Variants in TOP2B observed in about 807,000 individuals in gnomAD.
TOP2B encodes DNA topoisomerase II beta.
In TOP2B, 51 loss-of-function variants were observed where a neutral mutation model predicts 193.5. The ratio of observed to expected loss-of-function variants is 0.26; its 90% confidence interval spans 0.21 to 0.33. The LOEUF is 0.33. Ranked by LOEUF, TOP2B falls within the 10% of genes least tolerant of loss-of-function variation. The pLI, the probability that TOP2B is intolerant of heterozygous loss-of-function variation, is 1.00. For missense variants in TOP2B, 1,378 were observed against 1,909.3 expected (o/e 0.72, Z 5.19); for synonymous variants, 634 against 635.7 (o/e 1.00, Z 0.04).
At chr3:25,659,104 T>G (rs777164822) in intron 1 of TOP2B, among the ~76,000 whole-genome samples, 18 of 152,142 alleles carry the variant, frequency 1.2e-4, no homozygotes, top group Non-Finnish European at 2.4e-4. Flanking sequence ...TACCTTCTTC[T>G]GTACAATCCC....
intron 1 of TOP2B, among the ~76,000 whole-genome samples, chr3:25,647,971 T>C (rs1703458832): frequency 6.6e-6 from 1 of 152,120 alleles, no homozygotes; most frequent in Admixed American, 6.6e-5. Flanking sequence ...GAGCATAAAA[T>C]AGCATCAAAG....
At chr3:25,650,436 GAT>G (rs1200943816) in intron 1 of TOP2B, among the ~76,000 whole-genome samples, 2 of 152,090 alleles carry the variant, frequency 1.3e-5, no homozygotes, top group African/African-American at 4.8e-5. Context: ...TTGTCTTCAG[GAT>G]TATGCTGGTA....
In TOP2B at chr3:25,638,314, TAAAAAAAAAAAAAAAAAAA is replaced by T. The variant is rs56986587; in HGVS notation, c.396-23_396-5del. ...AATGCTTATAATGTTAGATTCACTG[TAAAAAAAAAAAAAAAAAAA>T]AAAAAAAAAAAAAAAAAAAGCAGAA... On this transcript the variant is annotated splice_region_variant and splice_polypyrimidine_tract_variant and intron_variant, in intron 4 of 35. Coordinates refer to ENST00000264331, the MANE Select transcript of TOP2B (RefSeq NM_001330700.2). 1,261 of 131,816 alleles carry T rather than the reference TAAAAAAAAAAAAAAAAAAA, an allele frequency of 9.6e-3. 14 individuals carry two copies. In the East Asian group the frequency reaches 0.13, roughly 13 times the overall value. The allele number at this position is 131,816 out of a possible 1,614,324, so 8.2% of individuals were successfully genotyped here. A position where few individuals can be genotyped will look rare whatever the true frequency, so the allele number is the denominator to read the frequency against.
chr3:25,619,363 T>G (rs1009371570), intron 23 of TOP2B, among the ~76,000 whole-genome samples: 1 of 152,016 alleles, frequency 6.6e-6, no homozygotes, highest in Non-Finnish European at 1.5e-5. Flanking sequence ...TGGCACTTTT[T>G]CTCAGCCACT....
At position 25,638,314 on chromosome 3, in the gene TOP2B, T is replaced by TTAA. The variant is rs1703160557; in HGVS notation, c.396-5_396-4insTTA. ...AATGCTTATAATGTTAGATTCACTG[T>TTAA]AAAAAAAAAAAAAAAAAAAAAAAAA... On this transcript the variant is annotated splice_polypyrimidine_tract_variant and splice_region_variant and intron_variant, in intron 4 of 35. Coordinates refer to ENST00000264331, the MANE Select transcript of TOP2B (RefSeq NM_001330700.2). The TTAA allele has an allele frequency of 1.5e-5, 2 of 129,164 alleles. No individual in the cohort carries two copies. The highest frequency in any genetic ancestry group is 2.0e-4 in the African/African-American group (2 of 10,046). 8.0% of individuals were successfully genotyped at this position (129,164 alleles called of 1,614,324 possible).
At position 25,607,324 on chromosome 3, in the gene TOP2B, G is replaced by T. The variant is rs1307919022; in HGVS notation, c.4145C>A (p.Ala1382Asp). Residue 1382 changes from alanine (A) to aspartate (D), a missense_variant, in exon 31 of 36, where the codon GCT becomes GAT. Coordinates refer to ENST00000264331, the MANE Select transcript of TOP2B (RefSeq NM_001330700.2). ...ATTATTGTCATCATCATCATCATCA[G>T]CATCATCATCCTCTTCTTCTGAGAA... ...FDFSEEEDDD[A>D]DDDDDDNNDL... 2.3e-5 allele frequency: 36 copies of T among 1,551,778 alleles called. No homozygotes were observed. The highest frequency in any genetic ancestry group is 9.8e-5 in the Admixed American group (5 of 51,024).
chr3:25,630,354 G>A lies in TOP2B; in HGVS notation c.1521C>T (p.Leu507=), dbSNP rs1037702066. The change falls in exon 12 of 36, where the codon CTC becomes CTT. Residue 507 remains leucine, a synonymous_variant. Transcript: ENST00000264331. ...IGRDRYGVFP[L]RGKILNVREA... Reference sequence around the variant, plus strand: ...CCCGTACATTAAGAATTTTGCCCCTGAGTGGAAAAACTCCGTATCTGTCTC... The same window carrying A: ...CCCGTACATTAAGAATTTTGCCCCTAAGTGGAAAAACTCCGTATCTGTCTC... 1.2e-5 allele frequency: 18 copies of A among 1,551,416 alleles called. No individual in the cohort carries two copies. The highest frequency in any genetic ancestry group is 1.7e-4 in the Middle Eastern group (1 of 6,012).
chr3:25,630,476 G>A lies in TOP2B; in HGVS notation c.1406-7C>T, dbSNP rs761079640. The A allele has an allele frequency of 6.6e-7, 1 of 1,523,716 alleles. No homozygotes were observed. The highest frequency in any genetic ancestry group is 1.3e-5 in the South Asian group (1 of 77,770). 94.4% of individuals were successfully genotyped at this position (1,523,716 alleles called of 1,614,324 possible). On this transcript the variant is annotated splice_region_variant and splice_polypyrimidine_tract_variant and intron_variant, in intron 11 of 35. Transcript: ENST00000264331. ...TCCAGGGAATGTTTACCACCTGAGA[G>A]AAATTTAAAATTATACATAGTAAAA... is the stretch of plus-strand genomic sequence containing the variant.
At chr3:25,663,626 T>C (rs1258552453) in intron 1 of TOP2B, among the ~76,000 whole-genome samples, 2 of 152,198 alleles carry the variant, frequency 1.3e-5, no homozygotes, top group Non-Finnish European at 2.9e-5. Context: ...CTTCTTTTAA[T>C]AATCTCACCC....
chr3:25,606,745 A>C (rs1318689253), intron 31 of TOP2B, among the ~76,000 whole-genome samples: 1 of 152,092 alleles, frequency 6.6e-6, no homozygotes, highest in Admixed American at 6.6e-5. Context: ...GAAGAAACAA[A>C]CCTCCCAATT....
At position 25,627,280 on chromosome 3, in the gene TOP2B, T is replaced by C. The variant is rs370684609; in HGVS notation, c.1923A>G (p.Thr641=). ...IKYYKGLGTS[T]AKEAKEYFAD... is the part of the protein sequence containing the mutation. Reference sequence around the variant, plus strand: ...CAAAATATTCCTTTGCTTCTTTAGCTGTACTAGTACCCAATCCTGCACAAT... The same window carrying C: ...CAAAATATTCCTTTGCTTCTTTAGCCGTACTAGTACCCAATCCTGCACAAT... The change falls in exon 16 of 36, where the codon ACA becomes ACG. Residue 641 remains threonine, a synonymous_variant. Coordinates refer to ENST00000264331, the MANE Select transcript of TOP2B (RefSeq NM_001330700.2). 18 of 1,606,812 alleles carry C rather than the reference T, an allele frequency of 1.1e-5. No homozygotes were observed. Among genetic ancestry groups the C allele is most frequent in the Non-Finnish European group, 1.5e-5 (18 of 1,176,726 alleles).
chr3:25,628,592 A>G (rs1702871745), intron 15 of TOP2B, among the ~76,000 whole-genome samples: 1 of 152,228 alleles, frequency 6.6e-6, no homozygotes, highest in Non-Finnish European at 1.5e-5. Flanking sequence ...AATGTCTGGA[A>G]GTTTTTTCAA....
intron 1 of TOP2B, among the ~76,000 whole-genome samples, chr3:25,655,613 C>A (rs1039838013): frequency 6.6e-6 from 1 of 152,142 alleles, no homozygotes; most frequent in South Asian, 2.1e-4. Flanking sequence ...TCATAATAGC[C>A]AAAAGGCGAG....
At chr3:25,603,943 T>C (rs898009004) in intron 33 of TOP2B, among the ~76,000 whole-genome samples, 8 of 152,210 alleles carry the variant, frequency 5.3e-5, no homozygotes, top group Admixed American at 3.9e-4. Flanking sequence ...AAGGCAGATA[T>C]TGCCCAATAT....
chr3:25,646,470 C>T (rs1410778357), intron 1 of TOP2B, among the ~76,000 whole-genome samples: 3 of 152,134 alleles, frequency 2.0e-5, no homozygotes, highest in African/African-American at 7.2e-5. Flanking sequence ...TTTCCAAGGT[C>T]TACAAATTTC....
chr3:25,632,315 G>A (rs532449489), intron 10 of TOP2B, 131 bp downstream of exon 10: 6 of 736,518 alleles, frequency 8.1e-6, no homozygotes. Context: ...AAGCATATTA[G>A]TTTGTAGTGC....
intron 1 of TOP2B, among the ~76,000 whole-genome samples, chr3:25,652,373 A>G (rs1241071097): frequency 3.9e-5 from 6 of 152,242 alleles, no homozygotes; most frequent in Admixed American, 1.3e-4. Flanking sequence ...GAGAATACAC[A>G]TTCTTTTCAA....
At position 25,601,226 on chromosome 3, in the gene TOP2B, C is replaced by T. The variant is rs767221768; in HGVS notation, c.4490-1G>A. The T allele has an allele frequency of 3.4e-5, 54 of 1,611,350 alleles. No individual in the cohort carries two copies. Among genetic ancestry groups the T allele is most frequent in the Non-Finnish European group, 4.4e-5 (52 of 1,178,802 alleles). ...GGGACTGTATCTGAAGACGGTTTTC[C>T]TAGTAAGCAAATTTCCATTTCACAG... On this transcript the variant is annotated splice_acceptor_variant, in intron 33 of 35. Coordinates refer to ENST00000264331, the MANE Select transcript of TOP2B (RefSeq NM_001330700.2). LOFTEE classifies it high-confidence loss of function.
chr3:25,617,169 CTTTATCT>C (rs1398462408), intron 25 of TOP2B, among the ~76,000 whole-genome samples: 1 of 151,990 alleles, frequency 6.6e-6, no homozygotes, highest in Non-Finnish European at 1.5e-5. Flanking sequence ...CTGTAGAAAT[CTTTATCT>C]TTTAAGACTA....
Sources: gnomAD v4.1 joint callset for allele counts (sites outside exome capture counted in the v4.1 genomes callset) on GRCh38, gnomAD v4.1.1 for gene constraint, MANE v1.5 for transcripts, NCBI Gene and HGNC (gene_info 2026-07-23, HGNC 2026-07-21) for gene names.